Variants in NAALADL2 observed in about 807,000 individuals in gnomAD.
NAALADL2 encodes inactive N-acetylated-alpha-linked acidic dipeptidase-like protein 2.
In NAALADL2, 76 loss-of-function variants were observed where a neutral mutation model predicts 87.2. The observed-to-expected ratio is 0.87, with a 90% confidence interval of 0.72 to 1.05. NAALADL2 has a LOEUF of 1.05. Ranked by LOEUF, NAALADL2 falls within the 50% of genes least tolerant of loss-of-function variation. The probability of loss-of-function intolerance (pLI) is 0.00; values close to 1 mark genes in which losing one functional copy is unlikely to be tolerated. For missense variants in NAALADL2, 1,089 were observed against 945.8 expected (o/e 1.15, Z -1.99); for synonymous variants, 354 against 331.0 (o/e 1.07, Z -0.75).
chr3:175,117,452 G>A (rs1216504997), intron 2 of NAALADL2, among the ~76,000 whole-genome samples: 2 of 152,056 alleles, frequency 1.3e-5, no homozygotes, highest in African/African-American at 4.8e-5. Flanking sequence ...AGTGGGCAAA[G>A]GATATGAACA....
At chr3:175,182,893 C>A (rs1410832687) in intron 2 of NAALADL2, among the ~76,000 whole-genome samples, 1 of 151,700 alleles carries the variant, frequency 6.6e-6, no homozygotes, top group Non-Finnish European at 1.5e-5. Context: ...ATATTTTATC[C>A]ATTTTTAGTT....
At chr3:175,527,951 G>A (rs1733632550) in intron 9 of NAALADL2, among the ~76,000 whole-genome samples, 2 of 152,216 alleles carry the variant, frequency 1.3e-5, no homozygotes, top group South Asian at 2.1e-4. Context: ...AGGGGTTGAA[G>A]GTCCACAGAT....
intron 1 of NAALADL2, among the ~76,000 whole-genome samples, chr3:174,985,005 G>A (rs949254440): frequency 6.6e-6 from 1 of 152,114 alleles, no homozygotes; most frequent in African/African-American, 2.4e-5. Context: ...TATATACTGA[G>A]GTGCTTCCTA....
intron 2 of NAALADL2, among the ~76,000 whole-genome samples, chr3:175,129,915 G>T (rs1015949766): frequency 6.6e-6 from 1 of 152,058 alleles, no homozygotes; most frequent in South Asian, 2.1e-4. Flanking sequence ...CATAATGATT[G>T]TATCAATTTA....
intron 2 of NAALADL2, among the ~76,000 whole-genome samples, chr3:175,202,301 T>C (rs1244972371): frequency 6.6e-6 from 1 of 152,140 alleles, no homozygotes; most frequent in East Asian, 1.9e-4. Flanking sequence ...AAGGCAGTTC[T>C]GTTGGCCTTG....
chr3:174,945,621 A>G (rs1001753040), intron 1 of NAALADL2, among the ~76,000 whole-genome samples: 1 of 152,190 alleles, frequency 6.6e-6, no homozygotes, highest in Admixed American at 6.5e-5. Flanking sequence ...TGAATAAATG[A>G]CATTTGAACG....
chr3:175,226,949 A>G (rs527603277), intron 2 of NAALADL2, among the ~76,000 whole-genome samples: 52 of 152,256 alleles, frequency 3.4e-4, no homozygotes, highest in Admixed American at 2.3e-3. Context: ...CATGATTAGC[A>G]GAATTTTACT....
At chr3:175,730,586 A>G (rs1182947564) in intron 11 of NAALADL2, among the ~76,000 whole-genome samples, 1 of 150,818 alleles carries the variant, frequency 6.6e-6, no homozygotes, top group Non-Finnish European at 1.5e-5. Flanking sequence ...TATAGTTTTT[A>G]TCTTTTGACA....
At chr3:174,984,226 T>C (rs1294897950) in intron 1 of NAALADL2, among the ~76,000 whole-genome samples, 1 of 152,242 alleles carries the variant, frequency 6.6e-6, no homozygotes, top group African/African-American at 2.4e-5. Context: ...TAAATCACTG[T>C]CATATAAAAC....
chr3:174,861,015 C>T (rs1260924362), intron 1 of NAALADL2, among the ~76,000 whole-genome samples: 1 of 151,998 alleles, frequency 6.6e-6, no homozygotes, highest in East Asian at 1.9e-4. Context: ...GAATGGTGTG[C>T]TTTAAGTTCA....
chr3:175,767,452 A>G (rs924139628), intron 13 of NAALADL2: 1 of 152,104 alleles, frequency 6.6e-6, no homozygotes, highest in Non-Finnish European at 1.5e-5. Flanking sequence ...ACAAGTTTCA[A>G]TGAGAAAGTT....
At chr3:175,590,745 C>T (rs978796619) in intron 10 of NAALADL2, among the ~76,000 whole-genome samples, 2 of 152,174 alleles carry the variant, frequency 1.3e-5, no homozygotes, top group East Asian at 3.9e-4. Flanking sequence ...GTATATAGAA[C>T]CCCTTCAACA....
chr3:175,541,878 G>C (rs183461308), intron 9 of NAALADL2, among the ~76,000 whole-genome samples: 2 of 152,092 alleles, frequency 1.3e-5, no homozygotes, highest in East Asian at 3.9e-4. Context: ...GTGACACCAC[G>C]CCCAGCTAAT....
At chr3:174,717,944 G>A (rs1331685244) in intron 2 of NAALADL2, among the ~76,000 whole-genome samples, 2 of 151,996 alleles carry the variant, frequency 1.3e-5, no homozygotes, top group African/African-American at 4.8e-5. Flanking sequence ...TGACCAACAT[G>A]GTGAAACCCC....
chr3:174,833,817 A>C lies in NAALADL2; in HGVS notation c.-9+96071A>C, dbSNP rs972963666. ...ATGGGGACAACTATATAATTATCTA[A>C]ACAGAAGAGCAAAAGAGATTTGCCA... On this transcript the variant is annotated intron_variant, in intron 3 of 3. Coordinates refer to the NAALADL2 transcript ENST00000434257. Among the ~76,000 whole-genome samples, 6 of 150,844 alleles carry C rather than the reference A, an allele frequency of 4.0e-5. No homozygotes were observed. In the East Asian group the frequency reaches 7.9e-4, roughly 20 times the overall value.
At chr3:174,973,212 T>C (rs553043844) in intron 1 of NAALADL2, among the ~76,000 whole-genome samples, 1 of 152,284 alleles carries the variant, frequency 6.6e-6, no homozygotes, top group East Asian at 1.9e-4. Context: ...AAGAAGTAAT[T>C]ATTTGATAAC....
rs115324855 is a variant in NAALADL2, at chr3:174,500,263, G to A, written c.-183-50306G>A. On this transcript the variant is annotated intron_variant, in intron 1 of 3. Coordinates refer to the NAALADL2 transcript ENST00000434257. ...AGAAATATAGTTTTATGTGTTATAC[G>A]TGGATCTTGGATCCTACCACCTTAC... 3.6e-3 allele frequency among the ~76,000 whole-genome samples: 544 copies of A among 151,974 alleles called. 3 individuals carry two copies. Among genetic ancestry groups the A allele is most frequent in the African/African-American group, 0.012 (498 of 41,412 alleles).
intron 1 of NAALADL2, among the ~76,000 whole-genome samples, chr3:174,983,022 TC>T (rs1432885283): frequency 1.3e-5 from 2 of 152,108 alleles, no homozygotes; most frequent in Non-Finnish European, 2.9e-5. Flanking sequence ...ATGGTCTCGA[TC>T]TCCTGACCTC....
intron 2 of NAALADL2, among the ~76,000 whole-genome samples, chr3:175,220,218 A>G (rs905277861): frequency 2.6e-5 from 4 of 151,886 alleles, no homozygotes; most frequent in Admixed American, 2.6e-4. Flanking sequence ...TTTGATGTCA[A>G]AGTTTTGTTG....
Sources: gnomAD v4.1 joint callset for allele counts (sites outside exome capture counted in the v4.1 genomes callset) on GRCh38, gnomAD v4.1.1 for gene constraint, MANE v1.5 for transcripts, NCBI Gene and HGNC (gene_info 2026-07-23, HGNC 2026-07-21) for gene names.